The following SPMAP2L variants were observed in gnomAD, a reference collection of about 807,000 sequenced individuals.
The protein encoded by SPMAP2L is sperm microtubule associated protein 2-like.
the SPMAP2L span, among the ~76,000 whole-genome samples, chr4:56,559,855 C>T: frequency 1.3e-5 from 2 of 152,156 alleles, no homozygotes; most frequent in Non-Finnish European, 2.9e-5. Context: ...GCATGAGCCA[C>T]CACACCTGGC....
At chr4:56,542,162 C>A in the SPMAP2L span, among the ~76,000 whole-genome samples, 1 of 152,212 alleles carries the variant, frequency 6.6e-6, no homozygotes, top group Non-Finnish European at 1.5e-5. Flanking sequence ...GTTTGCCTGG[C>A]GGCGGGGACA....
chr4:56,536,843 A>G, the SPMAP2L span, among the ~76,000 whole-genome samples: 1 of 152,160 alleles, frequency 6.6e-6, no homozygotes, highest in Admixed American at 6.5e-5. Flanking sequence ...GGCTCACTGC[A>G]AAGTCCGCCT....
chr4:56,625,808 C>T, the SPMAP2L span, among the ~76,000 whole-genome samples: 8 of 152,104 alleles, frequency 5.3e-5, no homozygotes, highest in Admixed American at 5.2e-4. Context: ...TAATACAGGC[C>T]ATGTATTTTA....
the SPMAP2L span, among the ~76,000 whole-genome samples, chr4:56,575,838 C>A: frequency 0.3 from 45,020 of 152,100 alleles, 9,415 homozygotes; most frequent in African/African-American, 0.59. Context: ...ATTTGACTCA[C>A]ATTGTGGTGA....
the SPMAP2L span, among the ~76,000 whole-genome samples, chr4:56,534,905 C>A: frequency 6.6e-6 from 1 of 152,080 alleles, no homozygotes; most frequent in Non-Finnish European, 1.5e-5. Flanking sequence ...ATCCAGCCTG[C>A]ACAACAAGAG....
At chr4:56,546,581 G>A in the SPMAP2L span, among the ~76,000 whole-genome samples, 3 of 152,252 alleles carry the variant, frequency 2.0e-5, 1 homozygote, top group Admixed American at 2.0e-4. Context: ...CCACCTGAGA[G>A]CTATTTCATC....
chr4:56,554,941 T>C, the SPMAP2L span, among the ~76,000 whole-genome samples: 1 of 148,250 alleles, frequency 6.7e-6, no homozygotes, highest in Non-Finnish European at 1.5e-5. Flanking sequence ...TCATTTCTTT[T>C]TTTTTTTTTT....
chr4:56,539,379 A>T, the SPMAP2L span, among the ~76,000 whole-genome samples: 1 of 152,072 alleles, frequency 6.6e-6, no homozygotes, highest in Admixed American at 6.6e-5. Flanking sequence ...CAAGCACTTC[A>T]TTTTTCTGAG....
the SPMAP2L span, among the ~76,000 whole-genome samples, chr4:56,558,994 T>C: frequency 6.6e-6 from 1 of 151,778 alleles, no homozygotes. Flanking sequence ...AGTGGAGTGG[T>C]GTGATATTGG....
chr4:56,596,577 C>A, the SPMAP2L span: 1 of 1,534,236 alleles, frequency 6.5e-7, no homozygotes. Context: ...ACCCAAGGAT[C>A]AAGTTAGAGG....
chr4:56,582,589 A>G, the SPMAP2L span, among the ~76,000 whole-genome samples: 4 of 152,230 alleles, frequency 2.6e-5, no homozygotes, highest in Admixed American at 2.0e-4. Flanking sequence ...ATGTGGAAAC[A>G]TTAAAACCCT....
chr4:56,613,345 G>A, the SPMAP2L span, among the ~76,000 whole-genome samples: 3 of 152,050 alleles, frequency 2.0e-5, no homozygotes, highest in Admixed American at 6.5e-5. Context: ...CAGGATGCTG[G>A]GCACCCTGGG....
At chr4:56,595,965 T>G in the SPMAP2L span, among the ~76,000 whole-genome samples, 1 of 152,302 alleles carries the variant, frequency 6.6e-6, no homozygotes, top group African/African-American at 2.4e-5. Flanking sequence ...TTGGGAGCCA[T>G]TTTGTGTTTT....
chr4:56,559,259 C>T, the SPMAP2L span: 5 of 780,724 alleles, frequency 6.4e-6, no homozygotes, highest in Non-Finnish European at 8.6e-6. Context: ...CGAGATCGAG[C>T]CACTGCGCTC....
At chr4:56,555,058 G>C in the SPMAP2L span, among the ~76,000 whole-genome samples, 411 of 150,688 alleles carry the variant, frequency 2.7e-3, 1 homozygote, top group African/African-American at 9.5e-3. Flanking sequence ...TCCTGCCTCA[G>C]CCTCCCAAGT....
At chr4:56,563,571 T>A in the SPMAP2L span, among the ~76,000 whole-genome samples, 1 of 152,108 alleles carries the variant, frequency 6.6e-6, no homozygotes, top group Non-Finnish European at 1.5e-5. Flanking sequence ...AGGATGAAGA[T>A]ATTATTATTT....
At chr4:56,603,116 C>A in the SPMAP2L span, 12 of 749,358 alleles carry the variant, frequency 1.6e-5, no homozygotes, top group Non-Finnish European at 2.4e-5. Context: ...GGGATAATAT[C>A]ATAGTACATA....
chr4:56,564,877 T>C, the SPMAP2L span, among the ~76,000 whole-genome samples: 11 of 152,176 alleles, frequency 7.2e-5, no homozygotes, highest in Non-Finnish European at 1.3e-4. Context: ...AATTTTCATT[T>C]AGTTGAAAAT....
At chr4:56,592,861 C>T in the SPMAP2L span, 4 of 1,608,858 alleles carry the variant, frequency 2.5e-6, no homozygotes, top group Non-Finnish European at 3.4e-6. Flanking sequence ...GGAGGCACAT[C>T]GGCCCTGGGG....
Sources: allele counts gnomAD v4.1 joint callset (sites outside exome capture counted in the v4.1 genomes callset), GRCh38; gene constraint gnomAD v4.1.1; transcripts MANE v1.5; gene names NCBI Gene and HGNC (gene_info 2026-07-23, HGNC 2026-07-21).